The following SLC45A4 variants were observed in gnomAD, a reference collection of about 807,000 sequenced individuals.
SLC45A4 encodes solute carrier family 45 member 4.
A neutral mutation model predicts 63.7 loss-of-function variants in SLC45A4; 32 were observed. That is an observed-to-expected ratio of 0.50 (90% CI 0.38 to 0.67). The LOEUF is 0.67. Among genes scored for constraint, SLC45A4 ranks in the 30% least tolerant of loss-of-function variants. SLC45A4 has a pLI of 0.00. For synonymous variants in SLC45A4, 535 were observed against 510.0 expected, an observed-to-expected ratio of 1.05 and a Z score of -0.66; for missense variants, 1,027 against 1,157.7, an observed-to-expected ratio of 0.89 and a Z score of 1.64.
chr8:141,252,403 G>T (rs1184156239), intron 2 of SLC45A4: 1 of 163,218 alleles, frequency 6.1e-6, no homozygotes, highest in African/African-American at 2.4e-5. Context: ...GCGCGTCTGT[G>T]AATTTCCGTG....
chr8:141,292,231 C>T (rs1483317191), intron 1 of SLC45A4, among the ~76,000 whole-genome samples: 5 of 152,242 alleles, frequency 3.3e-5, no homozygotes, highest in Admixed American at 3.3e-4. Flanking sequence ...GACCTGCATA[C>T]ATCCCCGACC....
intron 1 of SLC45A4, among the ~76,000 whole-genome samples, chr8:141,284,768 A>G (rs2154615156): frequency 6.6e-6 from 1 of 152,176 alleles, no homozygotes; most frequent in Non-Finnish European, 1.5e-5. Flanking sequence ...GGGTCCCATG[A>G]AGAAGGACTG....
chr8:141,246,099 AT>A (rs1589807549), intron 2 of SLC45A4, among the ~76,000 whole-genome samples: 2 of 152,202 alleles, frequency 1.3e-5, no homozygotes, highest in East Asian at 3.8e-4. Flanking sequence ...CTGCTGCGAT[AT>A]TTATCAATAC....
At chr8:141,270,411 C>T (rs1008780899) in intron 1 of SLC45A4, among the ~76,000 whole-genome samples, 3 of 150,524 alleles carry the variant, frequency 2.0e-5, no homozygotes, top group African/African-American at 7.4e-5. Context: ...CGGTAGCTAA[C>T]GCCTGTAATC....
Position 141,215,998 on chromosome 8 carries a change from C to G in SLC45A4, c.1730-28G>C, listed in dbSNP as rs1826124979. 1.2e-6 allele frequency: 2 copies of G among 1,602,366 alleles called. No homozygotes were observed. The highest frequency in any genetic ancestry group is 1.7e-5 in the Admixed American group (1 of 59,196). On this transcript the variant is annotated intron_variant, in intron 6 of 8. Coordinates refer to ENST00000517878, the MANE Select transcript of SLC45A4 (RefSeq NM_001286646.2). The surrounding 1 kb of genome is among the most constrained non-coding windows in gnomAD (Gnocchi z 4.3). ...GCAGAGAGGGGCACAGGGACAAGGA[C>G]AGTGGGCAGGCGGCTGGCTCCTGTC...
rs142182691 is a variant in SLC45A4 at position 141,302,623 on chromosome 8, C to T, written c.-401+5473G>A. Among the ~76,000 whole-genome samples, 705 of 152,320 alleles carry T rather than the reference C, an allele frequency of 4.6e-3. 5 individuals are homozygous for T. Among genetic ancestry groups the T allele is most frequent in the African/African-American group, 0.016 (679 of 41,558 alleles). On this transcript the variant is annotated intron_variant, in intron 1 of 8. Coordinates refer to ENST00000517878, the MANE Select transcript of SLC45A4 (RefSeq NM_001286646.2). ...CTAGGATTACAGGCATGAGCCACCG[C>T]GGCAGGCGTAAAGTTATTTTACAGA...
Position 141,254,073 on chromosome 8 carries a change from C to T in SLC45A4, c.157G>A (p.Val53Met). The stretch of plus-strand genomic sequence containing the variant: ...CCAAACATCACCGCCCCGTGCATCA[C>T]CCACAGGCGCATGGGGATTCGGTCT... ...SIDRIPMRLW[V>M]MHGAVMFGRE... The change falls in exon 2 of 9, where the codon GTG (valine) becomes ATG (methionine). Residue 53 changes from valine to methionine, a missense_variant. Transcript: ENST00000517878. This position sits in a 1 kb window ranked among gnomAD's most constrained non-coding sequence, Gnocchi z 4.5. The T allele has an allele frequency of 6.5e-7, 1 of 1,536,198 alleles. No individual in the cohort carries two copies. The highest frequency in any genetic ancestry group is 1.4e-5 in the African/African-American group (1 of 73,192).
intron 2 of SLC45A4, chr8:141,253,091 G>A (rs1488802842): frequency 1.9e-5 from 3 of 162,104 alleles, no homozygotes; most frequent in Non-Finnish European, 2.7e-5. Context: ...GTGAATTTCC[G>A]TGTTTTCACG....
At chr8:141,301,762 A>AAAAAAAAAAAAAAAAAAG (rs71322124) in intron 1 of SLC45A4, among the ~76,000 whole-genome samples, 2 of 126,624 alleles carry the variant, frequency 1.6e-5, no homozygotes, top group Non-Finnish European at 3.3e-5. Context: ...AAAAAAAAAA[A>AAAAAAAAAAAAAAAAAAG]TCCTGGGCAA....
intron 1 of SLC45A4, among the ~76,000 whole-genome samples, chr8:141,284,931 A>C (rs909952641): frequency 3.9e-5 from 6 of 151,962 alleles, no homozygotes; most frequent in African/African-American, 1.2e-4. Flanking sequence ...CCAAGCGTCC[A>C]CCGTGGCATG....
intron 2 of SLC45A4, chr8:141,228,336 T>C: frequency 6.3e-7 from 1 of 1,590,072 alleles, no homozygotes; most frequent in South Asian, 1.1e-5. Flanking sequence ...CTGTTTCTCC[T>C]CTTCAACAAG....
chr8:141,219,967 G>T, intron 3 of SLC45A4, 138 bp from the exon 4 acceptor site: 1 of 803,068 alleles, frequency 1.2e-6, no homozygotes, highest in Non-Finnish European at 1.9e-6. Flanking sequence ...ACAAGAGAGA[G>T]GCTCTTAGGC....
At position 141,218,478 on chromosome 8, in the gene SLC45A4, C is replaced by A. The variant is rs1220494508; in HGVS notation, c.1162G>T (p.Gly388Cys). ...LNEAKVPNGS[G>C]SPTKDALGGY... The stretch of plus-strand genomic sequence containing the variant: ...CCGAGGGCGTCTTTTGTGGGGGAGC[C>A]ACTTCCGTTTGGGACTTTAGCTTCA... The change falls in exon 5 of 9, where the codon GGC becomes TGC. Residue 388 changes from glycine to cysteine, a missense_variant. Transcript: ENST00000517878. 1 of 1,613,160 alleles carries A rather than the reference C, an allele frequency of 6.2e-7. No homozygotes were observed.
intron 2 of SLC45A4, among the ~76,000 whole-genome samples, chr8:141,233,002 G>A (rs760951010): frequency 3.3e-5 from 5 of 152,248 alleles, no homozygotes; most frequent in African/African-American, 4.8e-5. Context: ...AGCGCTGAGC[G>A]GCACCTCTGC....
chr8:141,293,935 GA>G lies in SLC45A4; in HGVS notation c.-401+14160del, dbSNP rs928007270. 5.2e-4 allele frequency among the ~76,000 whole-genome samples: 48 copies of G among 92,932 alleles called. 1 individual carries two copies. The highest frequency in any genetic ancestry group is 2.6e-3 in the Admixed American group (23 of 8,712). The allele number at this position is 92,932 out of a possible 152,430, so 61.0% of individuals were successfully genotyped here. On this transcript the variant is annotated intron_variant, in intron 1 of 8. Transcript: ENST00000517878. ...GCAACAGAGCGAGACTCTATCTCAAGAAAAAAAAAAAGTAAATGTAAAAAAA... is the reference window on the plus strand; with the variant it reads ...GCAACAGAGCGAGACTCTATCTCAAGAAAAAAAAAAGTAAATGTAAAAAAA...
chr8:141,263,633 G>T (rs1829133588), intron 1 of SLC45A4, among the ~76,000 whole-genome samples: 2 of 151,160 alleles, frequency 1.3e-5, no homozygotes, highest in Admixed American at 1.3e-4. Context: ...AGCTGGGCAT[G>T]GTGGCATGTG....
At chr8:141,297,740 T>C (rs191490132) in intron 1 of SLC45A4, among the ~76,000 whole-genome samples, 9 of 152,342 alleles carry the variant, frequency 5.9e-5, no homozygotes, top group Admixed American at 2.6e-4. Flanking sequence ...GGCAAAATGC[T>C]TTCTTCTTTT....
chr8:141,296,500 T>A (rs1167755704), intron 1 of SLC45A4, among the ~76,000 whole-genome samples: 10 of 107,952 alleles, frequency 9.3e-5, no homozygotes, highest in African/African-American at 1.9e-4. Flanking sequence ...CCTCATTTCT[T>A]AAAAAAAAAA....
chr8:141,289,364 C>T (rs1340817770), intron 1 of SLC45A4, among the ~76,000 whole-genome samples: 1 of 152,208 alleles, frequency 6.6e-6, no homozygotes, highest in Admixed American at 6.5e-5. Flanking sequence ...CCCCTTAACT[C>T]ACTCACCCCT....
Sources: allele counts gnomAD v4.1 joint callset (sites outside exome capture counted in the v4.1 genomes callset), GRCh38; gene constraint gnomAD v4.1.1; non-coding constraint Gnocchi (gnomAD v3.1); transcripts MANE v1.5; gene names NCBI Gene and HGNC (gene_info 2026-07-23, HGNC 2026-07-21).